The following LPP variants were observed in gnomAD, a reference collection of about 807,000 sequenced individuals.
LPP encodes lipoma-preferred partner.
LPP carries 38 observed loss-of-function variants against 60.4 expected under a neutral mutation model. That is an observed-to-expected ratio of 0.63 (90% CI 0.49 to 0.83). LPP has a LOEUF of 0.83. LPP is among the 40% of genes least tolerant of loss of function. The probability of loss-of-function intolerance (pLI) is 0.00; values close to 1 mark genes in which losing one functional copy is unlikely to be tolerated. For synonymous variants in LPP, 328 were observed against 290.8 expected (o/e 1.13, Z -1.30); for missense variants, 902 against 783.6 (o/e 1.15, Z -1.80).
chr3:188,538,697 A>G (rs115073831), intron 6 of LPP, among the ~76,000 whole-genome samples: 9 of 152,234 alleles, frequency 5.9e-5, no homozygotes, highest in Non-Finnish European at 1.3e-4. Context: ...CAAGGGAATT[A>G]AAATATATGA....
intron 6 of LPP, among the ~76,000 whole-genome samples, chr3:188,573,914 A>G (rs1397219678): frequency 6.6e-6 from 1 of 152,200 alleles, no homozygotes; most frequent in Non-Finnish European, 1.5e-5. Context: ...TTAATCATTC[A>G]TAGGACATTC....
At chr3:188,240,594 T>A in intron 2 of LPP, among the ~76,000 whole-genome samples, 1 of 152,238 alleles carries the variant, frequency 6.6e-6, no homozygotes, top group Non-Finnish European at 1.5e-5. Context: ...ATTGAGTAGT[T>A]AGGATATTAG....
intron 1 of LPP, among the ~76,000 whole-genome samples, chr3:188,195,800 G>C (rs1259382432): frequency 6.6e-6 from 1 of 152,094 alleles, no homozygotes; most frequent in Non-Finnish European, 1.5e-5. Flanking sequence ...TAAAAATGTG[G>C]CTGCAGGAAA....
chr3:188,845,385 C>G (rs1045926143), intron 9 of LPP, among the ~76,000 whole-genome samples: 1 of 152,122 alleles, frequency 6.6e-6, no homozygotes, highest in African/African-American at 2.4e-5. Flanking sequence ...GGGGGCTGGA[C>G]AGAAAGCTTG....
At chr3:188,303,712 T>C (rs1750657837) in intron 2 of LPP, among the ~76,000 whole-genome samples, 1 of 152,212 alleles carries the variant, frequency 6.6e-6, no homozygotes, top group Admixed American at 6.5e-5. Context: ...AGATGTTTTA[T>C]AACAGGAGTT....
intron 7 of LPP, among the ~76,000 whole-genome samples, chr3:188,664,471 A>G (rs1855318775): frequency 6.6e-6 from 1 of 152,232 alleles, no homozygotes; most frequent in Admixed American, 6.5e-5. Flanking sequence ...GTGAAGTTCA[A>G]GTCCTGTGTA....
intron 3 of LPP, among the ~76,000 whole-genome samples, chr3:188,376,228 G>T (rs535640347): frequency 6.6e-6 from 1 of 151,770 alleles, no homozygotes; most frequent in East Asian, 1.9e-4. Context: ...GGTCTGCTTG[G>T]TGCAGAGCTG....
intron 6 of LPP, among the ~76,000 whole-genome samples, chr3:188,540,258 T>C (rs2150370664): frequency 6.6e-6 from 1 of 152,304 alleles, no homozygotes; most frequent in East Asian, 1.9e-4. Flanking sequence ...GAGTTGGTAT[T>C]ATTTTTGCCC....
chr3:188,690,588 A>G (rs1218507711), intron 7 of LPP, among the ~76,000 whole-genome samples: 2 of 152,202 alleles, frequency 1.3e-5, no homozygotes, highest in Non-Finnish European at 2.9e-5. Flanking sequence ...CACATTTTAA[A>G]GGATGATAAA....
intron 5 of LPP, among the ~76,000 whole-genome samples, chr3:188,508,652 C>A (rs1392400746): frequency 6.6e-6 from 1 of 152,212 alleles, no homozygotes; most frequent in African/African-American, 2.4e-5. Context: ...TGGTAAACGT[C>A]TTTGCCATTT....
intron 9 of LPP, among the ~76,000 whole-genome samples, chr3:188,790,933 CA>C (rs68001404): frequency 0.12 from 17,332 of 147,648 alleles, 1,129 homozygotes; most frequent in African/African-American, 0.19. Context: ...GAAAAGTCTT[CA>C]AAAAAAAAAA....
chr3:188,647,037 C>T (rs1016455182), intron 7 of LPP, among the ~76,000 whole-genome samples: 3 of 152,216 alleles, frequency 2.0e-5, no homozygotes. Flanking sequence ...GTTCTTGGCC[C>T]ATAATAGGTA....
chr3:188,863,573 C>T (rs1765793984), intron 9 of LPP, among the ~76,000 whole-genome samples: 1 of 152,106 alleles, frequency 6.6e-6, no homozygotes, highest in South Asian at 2.1e-4. Flanking sequence ...ACTGGTAGGC[C>T]CCACTGGAGA....
chr3:188,517,765 G>A (rs1003932751), intron 5 of LPP, among the ~76,000 whole-genome samples: 1 of 152,104 alleles, frequency 6.6e-6, no homozygotes. Context: ...CAGTATGGAG[G>A]AAACTGCCCC....
chr3:188,678,193 C>T (rs544914315), intron 7 of LPP, among the ~76,000 whole-genome samples: 1 of 152,278 alleles, frequency 6.6e-6, no homozygotes, highest in African/African-American at 2.4e-5. Context: ...ACTCAGTTTC[C>T]GTCATGCTGC....
intron 2 of LPP, among the ~76,000 whole-genome samples, chr3:188,266,804 G>A (rs1024657797): frequency 2.0e-5 from 3 of 152,034 alleles, no homozygotes; most frequent in Non-Finnish European, 2.9e-5. Context: ...ATTTCTTGAC[G>A]CACTTATTTA....
chr3:188,608,906 GT>G (rs999467793), intron 6 of LPP, among the ~76,000 whole-genome samples: 3 of 151,932 alleles, frequency 2.0e-5, no homozygotes, highest in African/African-American at 4.8e-5. Context: ...TTTTTTCCAA[GT>G]TTTTTATGCT....
intron 7 of LPP, among the ~76,000 whole-genome samples, chr3:188,653,082 T>C (rs1358348007): frequency 2.0e-5 from 3 of 152,170 alleles, no homozygotes; most frequent in Non-Finnish European, 4.4e-5. Context: ...CTTGAGACAA[T>C]AGGTTGAAGC....
chr3:188,258,682 G>A (rs1732522650), intron 2 of LPP, among the ~76,000 whole-genome samples: 1 of 151,862 alleles, frequency 6.6e-6, no homozygotes, highest in Admixed American at 6.6e-5. Context: ...CGCTATTAGC[G>A]CAAAAAAAAG....
Sources: gnomAD v4.1 joint callset for allele counts (sites outside exome capture counted in the v4.1 genomes callset) on GRCh38, gnomAD v4.1.1 for gene constraint, MANE v1.5 for transcripts, NCBI Gene and HGNC (gene_info 2026-07-23, HGNC 2026-07-21) for gene names.